Variants in ERC2 observed in about 807,000 individuals in gnomAD.
ERC2 encodes ERC protein 2.
In ERC2, 42 loss-of-function variants were observed where a neutral mutation model predicts 114.8. The ratio of observed to expected loss-of-function variants is 0.37; its 90% CI spans 0.29 to 0.47. The LOEUF is 0.47. Ranked by LOEUF, ERC2 falls within the 20% of genes least tolerant of loss-of-function variation. The pLI, the probability that ERC2 is intolerant of heterozygous loss-of-function variation, is 0.99. For synonymous variants in ERC2, 454 were observed against 425.5 expected, an observed-to-expected ratio of 1.07 and a Z score of -0.82; for missense variants, 939 against 1,150.7, an observed-to-expected ratio of 0.82 and a Z score of 2.66.
intron 7 of ERC2, among the ~76,000 whole-genome samples, chr3:56,067,204 A>ATTTG (rs1301244430): frequency 2.0e-5 from 3 of 152,092 alleles, no homozygotes; most frequent in Non-Finnish European, 4.4e-5. Context: ...ATATTTTTCC[A>ATTTG]TTTGTTTGTG....
intron 13 of ERC2, among the ~76,000 whole-genome samples, chr3:55,924,092 G>A (rs181006591): frequency 6.6e-6 from 1 of 151,952 alleles, no homozygotes; most frequent in Non-Finnish European, 1.5e-5. Context: ...CAACTGTTTG[G>A]GATTCTGACA....
intron 2 of ERC2, among the ~76,000 whole-genome samples, chr3:56,400,417 A>C (rs73075891): frequency 0.032 from 4,947 of 152,292 alleles, 91 homozygotes; most frequent in Non-Finnish European, 0.04. Context: ...AAATTAAACT[A>C]AAATCTGAGC....
intron 14 of ERC2, among the ~76,000 whole-genome samples, chr3:55,878,134 A>G (rs2062950740): frequency 6.6e-6 from 1 of 151,884 alleles, no homozygotes; most frequent in Non-Finnish European, 1.5e-5. Context: ...AATTATTTAA[A>G]CTCTATGATT....
chr3:55,542,618 A>G (rs935693848), intron 17 of ERC2, among the ~76,000 whole-genome samples: 1 of 152,248 alleles, frequency 6.6e-6, no homozygotes, highest in African/African-American at 2.4e-5. Context: ...AACAGAAAAA[A>G]GGAATATGAA....
At chr3:55,543,455 A>T (rs2054535539) in intron 17 of ERC2, among the ~76,000 whole-genome samples, 1 of 152,212 alleles carries the variant, frequency 6.6e-6, no homozygotes, top group Admixed American at 6.5e-5. Flanking sequence ...AGGTCACTGC[A>T]GCGCTCTCCC....
chr3:55,872,400 T>C (rs989074031), intron 14 of ERC2, among the ~76,000 whole-genome samples: 1 of 152,344 alleles, frequency 6.6e-6, no homozygotes, highest in African/African-American at 2.4e-5. Context: ...GGATTCTTAA[T>C]TAACCAAAAT....
At chr3:55,978,024 C>T (rs1388946949) in intron 12 of ERC2, among the ~76,000 whole-genome samples, 2 of 152,174 alleles carry the variant, frequency 1.3e-5, no homozygotes, top group Non-Finnish European at 2.9e-5. Flanking sequence ...CTGTCTCTCA[C>T]GATGCTGCTT....
At position 55,835,417 on chromosome 3, in the gene ERC2, C is replaced by T. The variant is rs1042090359; in HGVS notation, c.2564+52972G>A. ...AGCTTATCCACCATGATCAAGTGGG[C>T]TTCATTCCTGGGATGCAAGGCTGGT... On this transcript the variant is annotated intron_variant, in intron 14 of 17. Transcript: ENST00000288221. Among the ~76,000 whole-genome samples, 4 of 152,160 alleles carry T rather than the reference C, an allele frequency of 2.6e-5. No homozygotes were observed. In the South Asian group the frequency reaches 6.2e-4, roughly 24 times the overall value.
Position 55,975,384 on chromosome 3 carries a change from C to T in ERC2, c.2267+10593G>A, listed in dbSNP as rs2069502224. 2.0e-5 allele frequency among the ~76,000 whole-genome samples: 3 copies of T among 152,090 alleles called. No individual in the cohort carries two copies. In the South Asian group the frequency reaches 6.2e-4, roughly 32 times the overall value. On this transcript the variant is annotated intron_variant, in intron 12 of 17. Transcript: ENST00000288221. ...AATTTCCATAGTTTCTTCCACCATGCCTTTATTTTCTTCCTGCTCTCTTAG... is the reference window on the plus strand; with the variant it reads ...AATTTCCATAGTTTCTTCCACCATGTCTTTATTTTCTTCCTGCTCTCTTAG...
intron 2 of ERC2, among the ~76,000 whole-genome samples, chr3:56,353,151 A>G (rs1157821129): frequency 1.3e-5 from 2 of 152,036 alleles, no homozygotes; most frequent in African/African-American, 4.8e-5. Context: ...TTTAGTCTCC[A>G]AAAGTTAGAA....
Position 56,208,214 on chromosome 3 carries a change from A to C in ERC2, c.1075-34694T>G, listed in dbSNP as rs1056763561. ...AGAATTTCCATGATTCATCCTATCAAATCATAAAGATGTCATAGGGCTGCC... is the reference window on the plus strand; with the variant it reads ...AGAATTTCCATGATTCATCCTATCACATCATAAAGATGTCATAGGGCTGCC... On this transcript the variant is annotated intron_variant, in intron 3 of 17. Transcript: ENST00000288221. Among the ~76,000 whole-genome samples, 8 of 152,222 alleles carry C rather than the reference A, an allele frequency of 5.3e-5. No homozygotes were observed. The East Asian group carries it at 1.5e-3, about 29-fold the overall frequency.
intron 3 of ERC2, among the ~76,000 whole-genome samples, chr3:56,285,676 C>T (rs1344453515): frequency 2.0e-5 from 3 of 152,212 alleles, no homozygotes; most frequent in Non-Finnish European, 4.4e-5. Context: ...CTGAGTAAGA[C>T]CAGTGTCCAT....
chr3:56,446,249 AG>A (rs1457559829), intron 1 of ERC2, among the ~76,000 whole-genome samples: 3 of 152,222 alleles, frequency 2.0e-5, no homozygotes, highest in African/African-American at 4.8e-5. Context: ...CACCAGACTT[AG>A]AGTTCCCAGA....
Position 55,734,787 on chromosome 3 carries a change from T to C in ERC2, c.2696A>G (p.His899Arg). The change falls in exon 15 of 18, where the codon CAT becomes CGT. Residue 899 changes from histidine (H) to arginine (R), a missense_variant. Around this residue, in one of 5 missense-constraint regions of ERC2, gnomAD observed 328 missense variants for 353.9 expected, o/e 0.93. Transcript: ENST00000288221. ...AGGCCCCACCTGCTGCTTTAATTGATGTACTAGTCGGTCTTTTTCCCGCTT... is the reference window on the plus strand; with the variant it reads ...AGGCCCCACCTGCTGCTTTAATTGACGTACTAGTCGGTCTTTTTCCCGCTT... Reference protein sequence around the residue: ...ALKREKDRLVHQLKQQTQNRM... With the variant: ...ALKREKDRLVRQLKQQTQNRM... The C allele has an allele frequency of 6.2e-7, 1 of 1,611,520 alleles. No homozygotes were observed. The highest frequency in any genetic ancestry group is 8.5e-7 in the Non-Finnish European group (1 of 1,178,924).
chr3:56,228,192 T>A (rs77538585), intron 3 of ERC2, among the ~76,000 whole-genome samples: 7,020 of 152,288 alleles, frequency 0.046, 217 homozygotes, highest in African/African-American at 0.085. Flanking sequence ...TATTCGTCAT[T>A]TCTAACTGTG....
chr3:55,723,240 A>G (rs1016579035), intron 15 of ERC2, among the ~76,000 whole-genome samples: 1 of 152,200 alleles, frequency 6.6e-6, no homozygotes, highest in Non-Finnish European at 1.5e-5. Context: ...GTTCAAATAT[A>G]TATGTAGACA....
At chr3:55,678,440 T>C (rs912617068) in intron 17 of ERC2, among the ~76,000 whole-genome samples, 2 of 152,170 alleles carry the variant, frequency 1.3e-5, no homozygotes, top group Non-Finnish European at 2.9e-5. Flanking sequence ...TCTCTCTAGG[T>C]CCCTCTAGTC....
At chr3:56,051,491 A>G (rs2075762616) in intron 7 of ERC2, among the ~76,000 whole-genome samples, 1 of 152,184 alleles carries the variant, frequency 6.6e-6, no homozygotes, top group Admixed American at 6.5e-5. Flanking sequence ...CCAAAAAAGA[A>G]GAAGTGAAAA....
At chr3:56,138,049 TTC>T (rs1491397212) in intron 6 of ERC2, among the ~76,000 whole-genome samples, 135 of 149,722 alleles carry the variant, frequency 9.0e-4, no homozygotes, top group African/African-American at 3.1e-3. Flanking sequence ...AAAATGGTAT[TTC>T]TTTTTTTTTT....
Sources: gnomAD v4.1 joint callset for allele counts (sites outside exome capture counted in the v4.1 genomes callset) on GRCh38, gnomAD v4.1.1 for gene constraint, gnomAD v4.1.1 regional missense constraint, MANE v1.5 for transcripts, NCBI Gene and HGNC (gene_info 2026-07-23, HGNC 2026-07-21) for gene names.